The following ESRP1 variants were observed in gnomAD, a reference collection of about 807,000 sequenced individuals.
The protein encoded by ESRP1 is RNA-binding motif protein 35A.
Under a neutral mutation model 81.7 loss-of-function variants are expected in ESRP1, and 33 were observed. That is an observed-to-expected ratio of 0.40 (90% CI 0.31 to 0.54). The LOEUF is 0.54. Among genes scored for constraint, ESRP1 ranks in the 20% least tolerant of loss-of-function variants. The probability of loss-of-function intolerance (pLI) is 0.41; values close to 1 mark genes in which losing one functional copy is unlikely to be tolerated. For missense variants in ESRP1, 672 were observed against 833.1 expected (o/e 0.81, Z 2.38); for synonymous variants, 320 against 303.3 (o/e 1.06, Z -0.57).
chr8:94,643,027 C>T (rs1292909581), intron 2 of ESRP1, among the ~76,000 whole-genome samples: 1 of 152,198 alleles, frequency 6.6e-6, no homozygotes, highest in South Asian at 2.1e-4. Context: ...AGACATCTGA[C>T]TTAAGTCTTG....
intron 4 of ESRP1, among the ~76,000 whole-genome samples, chr8:94,658,169 T>C (rs955620199): frequency 6.6e-6 from 1 of 152,146 alleles, no homozygotes; most frequent in African/African-American, 2.4e-5. Flanking sequence ...CACCTCGGCC[T>C]CCCAAAGTGC....
chr8:94,666,052 G>T (rs1364731947), intron 9 of ESRP1, among the ~76,000 whole-genome samples: 1 of 152,172 alleles, frequency 6.6e-6, no homozygotes, highest in Non-Finnish European at 1.5e-5. Flanking sequence ...TGCATAAAAC[G>T]TTGACTGCTT....
intron 13 of ESRP1, among the ~76,000 whole-genome samples, chr8:94,691,761 TTAA>T (rs200277649): frequency 0.024 from 3,615 of 152,282 alleles, 59 homozygotes; most frequent in Non-Finnish European, 0.039. Context: ...TGAATAAAGG[TTAA>T]TAATCCAAAG....
rs1438110944 is a variant in ESRP1, at chr8:94,668,192, A to T, written c.1175A>T (p.Asp392Val). The change falls in exon 10 of 16, where the codon GAC (aspartate) becomes GTC (valine). Residue 392 changes from aspartate (D) to valine (V), a missense_variant. Asp to Val is a radical substitution (Grantham distance 152). Transcript: ENST00000433389. ...YAQNALRKHKDLLGKRYIELF... is the reference protein window; with the variant it reads ...YAQNALRKHKVLLGKRYIELF... ...CAGAATGCGTTGAGGAAGCATAAAG[A>T]CTTGTTGGGTAAAAGATACATTGAA... 6.2e-7 allele frequency: 1 copy of T among 1,613,496 alleles called. No individual in the cohort carries two copies.
At chr8:94,689,140 A>G (rs1387637542) in intron 13 of ESRP1, among the ~76,000 whole-genome samples, 1 of 150,882 alleles carries the variant, frequency 6.6e-6, no homozygotes, top group Non-Finnish European at 1.5e-5. Context: ...AATCCCAGGT[A>G]CTTGGGAGGC....
At chr8:94,700,861 A>G (rs1348444585) in intron 15 of ESRP1, among the ~76,000 whole-genome samples, 1 of 151,694 alleles carries the variant, frequency 6.6e-6, no homozygotes, top group Non-Finnish European at 1.5e-5. Context: ...CCCGGAAGGC[A>G]GAGCTTGTAG....
intron 13 of ESRP1, among the ~76,000 whole-genome samples, chr8:94,690,643 T>G (rs1047531208): frequency 9.8e-5 from 15 of 152,306 alleles, no homozygotes; most frequent in African/African-American, 3.6e-4. Flanking sequence ...AGCTTAAATT[T>G]CTAGTTGTGC....
chr8:94,657,799 A>C (rs1818510946), intron 4 of ESRP1, among the ~76,000 whole-genome samples: 1 of 152,180 alleles, frequency 6.6e-6, no homozygotes, highest in African/African-American at 2.4e-5. Flanking sequence ...TTATCTATGA[A>C]TTTATAAAAC....
chr8:94,683,943 G>A (rs144777247), intron 13 of ESRP1, among the ~76,000 whole-genome samples: 739 of 152,230 alleles, frequency 4.9e-3, no homozygotes, highest in Middle Eastern at 0.031. Context: ...CGCCTCCCAG[G>A]TTCAAGCGAT....
At chr8:94,656,912 G>A (rs1190180574) in intron 4 of ESRP1, among the ~76,000 whole-genome samples, 2 of 152,164 alleles carry the variant, frequency 1.3e-5, no homozygotes, top group Admixed American at 6.5e-5. Flanking sequence ...ACCATTTTTA[G>A]GTAATTGGGA....
intron 4 of ESRP1, among the ~76,000 whole-genome samples, chr8:94,658,950 C>G (rs1818577825): frequency 6.6e-6 from 1 of 152,158 alleles, no homozygotes; most frequent in South Asian, 2.1e-4. Context: ...GAGACAGCAT[C>G]TTGCTCTGTC....
chr8:94,705,217 G>T (rs900692014), intron 15 of ESRP1, among the ~76,000 whole-genome samples: 5 of 139,172 alleles, frequency 3.6e-5, no homozygotes, highest in Non-Finnish European at 4.5e-5. Flanking sequence ...GCCCAGGCTG[G>T]AGTGCAATGG....
At chr8:94,692,948 A>G (rs1433401311) in intron 14 of ESRP1, 121 bp downstream of exon 14, 3 of 1,084,984 alleles carry the variant, frequency 2.8e-6, no homozygotes, top group Middle Eastern at 6.2e-4. Context: ...ATGCTAATGG[A>G]TTTGCTTATG....
intron 14 of ESRP1, among the ~76,000 whole-genome samples, chr8:94,695,461 TCTC>T (rs1431832540): frequency 7.1e-6 from 1 of 141,062 alleles, no homozygotes; most frequent in African/African-American, 2.6e-5. Flanking sequence ...TTCAAGCAAT[TCTC>T]CTGCCTCAGC....
chr8:94,657,620 C>T (rs960675558), intron 4 of ESRP1, among the ~76,000 whole-genome samples: 2 of 152,006 alleles, frequency 1.3e-5, no homozygotes, highest in African/African-American at 4.8e-5. Context: ...CAAAGGGAGA[C>T]ATGTTGGGAC....
intron 4 of ESRP1, among the ~76,000 whole-genome samples, chr8:94,646,957 A>G (rs1394069919): frequency 6.6e-6 from 1 of 152,218 alleles, no homozygotes; most frequent in Non-Finnish European, 1.5e-5. Context: ...GCGTGTGCTA[A>G]TATATCAGAT....
intron 4 of ESRP1, among the ~76,000 whole-genome samples, chr8:94,655,060 G>GTTTTTTTTTTT (rs139506660): frequency 6.8e-6 from 1 of 146,626 alleles, no homozygotes; most frequent in African/African-American, 2.5e-5. Flanking sequence ...GGTTTTTTGG[G>GTTTTTTTTTTT]TTTTTTGTGT....
chr8:94,669,203 AC>A (rs1819180647), intron 10 of ESRP1, among the ~76,000 whole-genome samples: 1 of 152,200 alleles, frequency 6.6e-6, no homozygotes, highest in African/African-American at 2.4e-5. Context: ...CTTGCCAGCT[AC>A]CAATTGAACA....
In ESRP1 at chr8:94,674,885, G is replaced by C. The variant is rs768222375; in HGVS notation, c.1651+379G>C. Among the ~76,000 whole-genome samples, 3 of 152,138 alleles carry C rather than the reference G, an allele frequency of 2.0e-5. No homozygotes were observed. In the East Asian group the frequency reaches 5.8e-4, roughly 29 times the overall value. On this transcript the variant is annotated intron_variant, in intron 12 of 15. Coordinates refer to ENST00000433389, the MANE Select transcript of ESRP1 (RefSeq NM_017697.4). ...TTCTTTTTATTTTATTTTTTAAAAC[G>C]TATTAACCTTTAAGAAGGGCAGTTT...
Sources: gnomAD v4.1 joint callset for allele counts (sites outside exome capture counted in the v4.1 genomes callset) on GRCh38, gnomAD v4.1.1 for gene constraint, MANE v1.5 for transcripts, NCBI Gene and HGNC (gene_info 2026-07-23, HGNC 2026-07-21) for gene names.